The following SMYD3 variants were observed in gnomAD, a reference collection of about 807,000 sequenced individuals.
The protein encoded by SMYD3 is histone-lysine N-methyltransferase SMYD3.
Under a neutral mutation model 57.7 loss-of-function variants are expected in SMYD3, and 36 were observed. The observed-to-expected ratio is 0.62, with a 90% confidence interval of 0.48 to 0.82. The LOEUF (loss-of-function observed/expected upper bound fraction) is 0.82, where lower values mean the gene tolerates loss of function less well. Among genes scored for constraint, SMYD3 ranks in the 40% least tolerant of loss-of-function variants. The pLI is 0.00. For synonymous variants in SMYD3, 211 were observed against 195.0 expected, an observed-to-expected ratio of 1.08 and a Z score of -0.68; for missense variants, 515 against 538.8, an observed-to-expected ratio of 0.96 and a Z score of 0.44.
Position 246,036,469 on chromosome 1 carries a change from T to C in SMYD3, c.532-106532A>G, listed in dbSNP as rs552264752. ...AAGAACATGCTTTATATCTTCCTTT[T>C]CTTCATTTTTTACACAAATAACCAT... On this transcript the variant is annotated intron_variant, in intron 5 of 11. Transcript: ENST00000490107. Among the ~76,000 whole-genome samples, 17 of 151,402 alleles carry C rather than the reference T, an allele frequency of 1.1e-4. 1 individual carries two copies. In the East Asian group the frequency reaches 2.7e-3, roughly 24 times the overall value.
chr1:245,795,690 T>A (rs765707729), intron 10 of SMYD3, among the ~76,000 whole-genome samples: 62 of 152,150 alleles, frequency 4.1e-4, no homozygotes, highest in Non-Finnish European at 5.9e-4. Context: ...GCCCATGCGC[T>A]CCAGTCACCT....
intron 1 of SMYD3, among the ~76,000 whole-genome samples, chr1:246,432,354 A>G (rs925464187): frequency 2.6e-5 from 4 of 152,238 alleles, no homozygotes; most frequent in Non-Finnish European, 4.4e-5. Flanking sequence ...CCATACATCA[A>G]TTAGAAAGTT....
intron 5 of SMYD3, among the ~76,000 whole-genome samples, chr1:246,188,154 A>G (rs990192154): frequency 5.9e-5 from 9 of 152,192 alleles, no homozygotes; most frequent in African/African-American, 2.2e-4. Context: ...TCAAACTACT[A>G]TCAGAATGTT....
intron 10 of SMYD3, among the ~76,000 whole-genome samples, chr1:245,764,847 G>A (rs188519175): frequency 3.9e-5 from 6 of 152,040 alleles, no homozygotes; most frequent in Non-Finnish European, 7.4e-5. Flanking sequence ...AAAGAAAGAG[G>A]ACGCACACGA....
chr1:245,790,829 C>T (rs2047238120), intron 10 of SMYD3, among the ~76,000 whole-genome samples: 1 of 152,182 alleles, frequency 6.6e-6, no homozygotes, highest in Admixed American at 6.5e-5. Flanking sequence ...TGACTCTGTT[C>T]CATCTAATCA....
chr1:245,926,863 A>G (rs2056406036), intron 7 of SMYD3, among the ~76,000 whole-genome samples: 1 of 152,038 alleles, frequency 6.6e-6, no homozygotes, highest in African/African-American at 2.4e-5. Context: ...GCGGCCCCAG[A>G]AAAAAAAGAG....
chr1:246,357,902 T>TA lies in SMYD3; in HGVS notation c.165-2809dup, dbSNP rs976071884. Among the ~76,000 whole-genome samples, 21 of 151,284 alleles carry TA rather than the reference T, an allele frequency of 1.4e-4. 1 individual carries two copies. The highest frequency in any genetic ancestry group is 4.8e-4 in the African/African-American group (20 of 41,266). ...CAGGACCTACATAACAATAACACAATAAAAAAAACACAAGGTATTCAGACA... is the reference window on the plus strand; with the variant it reads ...CAGGACCTACATAACAATAACACAATAAAAAAAAACACAAGGTATTCAGACA... On this transcript the variant is annotated intron_variant, in intron 1 of 11. Coordinates refer to ENST00000490107, the MANE Select transcript of SMYD3 (RefSeq NM_001167740.2).
Position 246,017,539 on chromosome 1 carries a change from C to T in SMYD3, c.532-87602G>A, listed in dbSNP as rs117987408. ...TTTGGGGTTGCTTGATGTTTCTTCACGAATAGATTGAGGTTCTGCATCTTT... is the reference window on the plus strand; with the variant it reads ...TTTGGGGTTGCTTGATGTTTCTTCATGAATAGATTGAGGTTCTGCATCTTT... On this transcript the variant is annotated intron_variant, in intron 5 of 11. Transcript: ENST00000490107. 2.5e-3 allele frequency among the ~76,000 whole-genome samples: 385 copies of T among 152,194 alleles called. 4 individuals carry two copies. The East Asian group carries it at 0.028, about 11-fold the overall frequency.
At chr1:245,758,052 C>T (rs919714766) in intron 11 of SMYD3, among the ~76,000 whole-genome samples, 1 of 152,126 alleles carries the variant, frequency 6.6e-6, no homozygotes, top group Non-Finnish European at 1.5e-5. Flanking sequence ...GTCTTCGAAC[C>T]TATGAACATG....
chr1:246,232,269 A>T (rs2063420770), intron 5 of SMYD3, among the ~76,000 whole-genome samples: 1 of 152,218 alleles, frequency 6.6e-6, no homozygotes. Flanking sequence ...AGAATTAGGC[A>T]CTACATAATA....
chr1:245,787,925 T>C lies in SMYD3; in HGVS notation c.1077-23776A>G, dbSNP rs2047112270. 2.0e-5 allele frequency among the ~76,000 whole-genome samples: 3 copies of C among 152,192 alleles called. No individual in the cohort carries two copies. In the South Asian group the frequency reaches 6.2e-4, roughly 32 times the overall value. ...TCGACTTTCGAACTGGGCATTGTAC[T>C]GGTCACATGCTCAACCTTGCTGCTG... On this transcript the variant is annotated intron_variant, in intron 10 of 11. Coordinates refer to ENST00000490107, the MANE Select transcript of SMYD3 (RefSeq NM_001167740.2).
chr1:246,030,859 A>G (rs762285297), intron 5 of SMYD3, among the ~76,000 whole-genome samples: 5 of 152,166 alleles, frequency 3.3e-5, no homozygotes, highest in Non-Finnish European at 5.9e-5. Flanking sequence ...TTGCAGTGGA[A>G]CGCTTACATC....
At chr1:246,329,249 C>G (rs1030771208) in intron 4 of SMYD3, among the ~76,000 whole-genome samples, 12 of 152,104 alleles carry the variant, frequency 7.9e-5, no homozygotes, top group African/African-American at 2.9e-4. Context: ...AGTTCTAGAT[C>G]CCTGAGGAAT....
intron 1 of SMYD3, among the ~76,000 whole-genome samples, chr1:246,363,292 G>T (rs1048828260): frequency 6.7e-6 from 1 of 149,656 alleles, no homozygotes; most frequent in Non-Finnish European, 1.5e-5. Context: ...GTCCGGGAGG[G>T]AGGTGGGGGG....
chr1:245,978,340 TGCAG>T (rs2058503864), intron 5 of SMYD3, among the ~76,000 whole-genome samples: 1 of 152,194 alleles, frequency 6.6e-6, no homozygotes, highest in African/African-American at 2.4e-5. Flanking sequence ...TCCTAGTGTG[TGCAG>T]GCATTTAAAA....
chr1:246,123,826 G>T, intron 5 of SMYD3, among the ~76,000 whole-genome samples: 1 of 151,808 alleles, frequency 6.6e-6, no homozygotes, highest in African/African-American at 2.4e-5. Flanking sequence ...TTTCCCCTGA[G>T]AAATGCACAA....
intron 5 of SMYD3, among the ~76,000 whole-genome samples, chr1:246,291,791 G>C (rs2064696002): frequency 6.6e-6 from 1 of 152,178 alleles, no homozygotes; most frequent in African/African-American, 2.4e-5. Context: ...GAAAATATTA[G>C]CCTTGGGAAA....
At chr1:245,843,624 T>C (rs1270630387) in intron 10 of SMYD3, among the ~76,000 whole-genome samples, 1 of 151,810 alleles carries the variant, frequency 6.6e-6, no homozygotes, top group Non-Finnish European at 1.5e-5. Context: ...TCAGTTGTAT[T>C]ACCTTAAACC....
chr1:245,773,705 T>G (rs1288032516), intron 10 of SMYD3, among the ~76,000 whole-genome samples: 1 of 152,204 alleles, frequency 6.6e-6, no homozygotes, highest in Non-Finnish European at 1.5e-5. Context: ...TTGAAGGATT[T>G]CAAAAAGGCT....
Sources: allele counts gnomAD v4.1 joint callset (sites outside exome capture counted in the v4.1 genomes callset), GRCh38; gene constraint gnomAD v4.1.1; transcripts MANE v1.5; gene names NCBI Gene and HGNC (gene_info 2026-07-23, HGNC 2026-07-21).